Variants in CSMD1 observed in about 807,000 individuals in gnomAD.
CSMD1 encodes the protein CUB and Sushi multiple domains 1.
In CSMD1, 213 loss-of-function variants were observed where a neutral mutation model predicts 417.5. That is an observed-to-expected ratio of 0.51 (90% confidence interval 0.46 to 0.57). The LOEUF (loss-of-function observed/expected upper bound fraction) is 0.57. Ranked by LOEUF, CSMD1 falls within the 20% of genes least tolerant of loss-of-function variation. The probability of loss-of-function intolerance (pLI) is 0.00; values close to 1 mark genes in which losing one functional copy is unlikely to be tolerated. For missense variants in CSMD1, 6,923 were observed against 4,529.7 expected (o/e 1.53, Z -15.17); for synonymous variants, 2,862 against 1,736.8 (o/e 1.65, Z -16.11).
At chr8:3,091,069 C>T (rs1263109726) in intron 48 of CSMD1, among the ~76,000 whole-genome samples, 3 of 151,726 alleles carry the variant, frequency 2.0e-5, no homozygotes, top group Admixed American at 2.0e-4. Context: ...TATATATATA[C>T]ACATATATGT....
chr8:3,841,024 G>C lies in CSMD1; in HGVS notation c.819-86982C>G, dbSNP rs374600102. 1.7e-3 allele frequency among the ~76,000 whole-genome samples: 254 copies of C among 151,982 alleles called. 1 individual carries two copies. The highest frequency in any genetic ancestry group is 5.7e-3 in the African/African-American group (238 of 41,454). On this transcript the variant is annotated intron_variant, in intron 5 of 69. Coordinates refer to ENST00000635120, the MANE Select transcript of CSMD1 (RefSeq NM_033225.6). ...AGCTGTCCGGTGATCTCAATTCTTT[G>C]GTACATGAGTCTTAGGGCAAAATTC...
chr8:3,389,381 T>C lies in CSMD1; in HGVS notation c.2594-1699A>G, dbSNP rs1585092254. The stretch of plus-strand genomic sequence containing the variant: ...GAACATGCGGCGTTTGGTTGCCTGT[T>C]GCTGCATTAGTTTGCTAAGGATAAT... On this transcript the variant is annotated intron_variant, in intron 17 of 69. Transcript: ENST00000635120. 2.0e-5 allele frequency among the ~76,000 whole-genome samples: 3 copies of C among 152,150 alleles called. No homozygotes were observed. In the East Asian group the frequency reaches 5.8e-4, roughly 29 times the overall value.
chr8:3,307,869 T>TGTTTCTATTTAGCTACTTTTC, intron 24 of CSMD1, 48 bp from the exon 25 acceptor site: 1 of 1,585,572 alleles, frequency 6.3e-7, no homozygotes, highest in African/African-American at 1.4e-5. Context: ...AGGCATCACA[T>TGTTTCTATTTAGCTACTTTTC]GTTTCTATTT....
At chr8:4,580,814 G>A (rs1214443358) in intron 2 of CSMD1, among the ~76,000 whole-genome samples, 1 of 152,190 alleles carries the variant, frequency 6.6e-6, no homozygotes, top group East Asian at 1.9e-4. Flanking sequence ...ATCTTAAAAA[G>A]TTGTATCTTG....
chr8:3,961,955 T>C (rs568536375), intron 5 of CSMD1, among the ~76,000 whole-genome samples: 3 of 152,234 alleles, frequency 2.0e-5, no homozygotes, highest in African/African-American at 4.8e-5. Context: ...ATACCACATA[T>C]TGAAAGGAAA....
At chr8:3,857,301 G>A (rs919371287) in intron 5 of CSMD1, among the ~76,000 whole-genome samples, 2 of 152,090 alleles carry the variant, frequency 1.3e-5, no homozygotes, top group Non-Finnish European at 1.5e-5. Context: ...CATTAGGAGG[G>A]TTTTTCCTAA....
At chr8:3,508,282 C>T (rs1243739472) in intron 10 of CSMD1, among the ~76,000 whole-genome samples, 2 of 151,562 alleles carry the variant, frequency 1.3e-5, no homozygotes, top group African/African-American at 2.4e-5. Context: ...TCCTGGCTCA[C>T]CTGCGCCCCC....
At chr8:4,546,709 T>C (rs1563275089) in intron 2 of CSMD1, among the ~76,000 whole-genome samples, 1 of 152,126 alleles carries the variant, frequency 6.6e-6, no homozygotes, top group Non-Finnish European at 1.5e-5. Flanking sequence ...CGTCTCCGCC[T>C]TCATAATCAT....
intron 5 of CSMD1, among the ~76,000 whole-genome samples, chr8:3,801,293 G>A (rs981054536): frequency 1.3e-5 from 2 of 151,858 alleles, no homozygotes; most frequent in African/African-American, 4.8e-5. Flanking sequence ...TTAAAAATTG[G>A]GAAAAAGATT....
At chr8:2,954,752 C>A (rs968720272) in intron 64 of CSMD1, among the ~76,000 whole-genome samples, 5 of 152,192 alleles carry the variant, frequency 3.3e-5, no homozygotes, top group African/African-American at 1.2e-4. Flanking sequence ...AGATTTACGT[C>A]ATAATTTCTT....
chr8:4,441,098 T>TTTTTTTTTTTTTTTTTTTG (rs1563176259), intron 2 of CSMD1, among the ~76,000 whole-genome samples: 1 of 95,784 alleles, frequency 1.0e-5, no homozygotes, highest in Non-Finnish European at 2.1e-5. Context: ...TCAAAAGGTT[T>TTTTTTTTTTTTTTTTTTTG]TTTTTTTTTT....
intron 10 of CSMD1, among the ~76,000 whole-genome samples, chr8:3,518,322 C>T (rs1797365980): frequency 6.6e-6 from 1 of 152,152 alleles, no homozygotes; most frequent in African/African-American, 2.4e-5. Flanking sequence ...GCAAATTCCT[C>T]TGGAGCTTAA....
At chr8:3,994,875 G>C (rs1470166990) in intron 5 of CSMD1, among the ~76,000 whole-genome samples, 1 of 152,186 alleles carries the variant, frequency 6.6e-6, no homozygotes, top group East Asian at 1.9e-4. Flanking sequence ...TTCTGAGAGT[G>C]CCCTTGCTTA....
rs970819394 is a variant in CSMD1 at position 3,672,066 on chromosome 8, C to T, written c.1009+36348G>A. ...CAAATTAACAAAGTCAACATCTTAT[C>T]TTACTTTCAAAGTGTATCATTCTAA... On this transcript the variant is annotated intron_variant, in intron 7 of 69. Coordinates refer to ENST00000635120, the MANE Select transcript of CSMD1 (RefSeq NM_033225.6). 2.6e-5 allele frequency among the ~76,000 whole-genome samples: 4 copies of T among 152,156 alleles called. No individual in the cohort carries two copies. The South Asian group carries it at 6.2e-4, about 24-fold the overall frequency.
At chr8:3,196,021 G>A (rs1796683772) in intron 33 of CSMD1, among the ~76,000 whole-genome samples, 1 of 152,108 alleles carries the variant, frequency 6.6e-6, no homozygotes, top group Non-Finnish European at 1.5e-5. Context: ...TGAGGTAGGA[G>A]GTCGGCACAA....
intron 3 of CSMD1, among the ~76,000 whole-genome samples, chr8:4,400,040 A>G (rs545485685): frequency 2.0e-5 from 3 of 152,318 alleles, no homozygotes; most frequent in Non-Finnish European, 4.4e-5. Flanking sequence ...AGACACACAC[A>G]TAATTAACTT....
intron 3 of CSMD1, among the ~76,000 whole-genome samples, chr8:4,066,974 T>C (rs1256487322): frequency 6.6e-6 from 1 of 152,244 alleles, no homozygotes; most frequent in Non-Finnish European, 1.5e-5. Context: ...CTAATGAGTA[T>C]ATTCTAAAGC....
chr8:4,100,334 T>C (rs1393508393), intron 3 of CSMD1, among the ~76,000 whole-genome samples: 1 of 152,190 alleles, frequency 6.6e-6, no homozygotes, highest in Non-Finnish European at 1.5e-5. Context: ...AATGAATGCC[T>C]CGTGACTTCT....
intron 3 of CSMD1, among the ~76,000 whole-genome samples, chr8:4,181,262 C>G (rs1798355012): frequency 6.6e-6 from 1 of 152,022 alleles, no homozygotes; most frequent in East Asian, 1.9e-4. Flanking sequence ...CTGAACGTGC[C>G]CAATCTCATC....
Sources: allele counts gnomAD v4.1 joint callset (sites outside exome capture counted in the v4.1 genomes callset), GRCh38; gene constraint gnomAD v4.1.1; transcripts MANE v1.5; gene names NCBI Gene and HGNC (gene_info 2026-07-23, HGNC 2026-07-21).